Variants in PARL observed in about 807,000 individuals in gnomAD.
The protein encoded by PARL is presenilin associated rhomboid like.
PARL carries 44 observed loss-of-function variants against 51.6 expected under a neutral mutation model. The ratio of observed to expected loss-of-function variants is 0.85; its 90% CI spans 0.67 to 1.10. The LOEUF is 1.10. Ranked by LOEUF, PARL falls within the 50% of genes least tolerant of loss-of-function variation. The pLI is 0.00. For synonymous variants in PARL, 172 were observed against 164.0 expected (o/e 1.05, Z -0.37); for missense variants, 441 against 469.5 (o/e 0.94, Z 0.56).
At chr3:183,864,452 T>C (rs1732202972) in intron 3 of PARL, among the ~76,000 whole-genome samples, 1 of 151,712 alleles carries the variant, frequency 6.6e-6, no homozygotes, top group Non-Finnish European at 1.5e-5. Context: ...AACTAAAATC[T>C]CAGTGTTCAA....
At chr3:183,858,917 A>T (rs1469331994) in intron 4 of PARL, among the ~76,000 whole-genome samples, 1 of 152,144 alleles carries the variant, frequency 6.6e-6, no homozygotes, top group Non-Finnish European at 1.5e-5. Flanking sequence ...CCAAAAAAAA[A>T]ATCCCCAAAC....
chr3:183,867,699 C>CAA (rs111387397), intron 2 of PARL, among the ~76,000 whole-genome samples, 166 bp downstream of exon 2: 31 of 97,142 alleles, frequency 3.2e-4, no homozygotes, highest in Non-Finnish European at 5.2e-4. Flanking sequence ...GACTCCGTCT[C>CAA]AAAAAAAAAA....
At chr3:183,882,218 A>T (rs1294089570) in intron 1 of PARL, among the ~76,000 whole-genome samples, 6 of 90,148 alleles carry the variant, frequency 6.7e-5, no homozygotes, top group African/African-American at 3.0e-4. Context: ...AAAAAAAAAA[A>T]AAAAATATAT....
rs1380290519 is a variant in PARL at position 183,840,648 on chromosome 3, A to C, written c.758-8T>G. ...CAAAATTGGAAATAACACCTGAAAAACAAGTCACATTACAATAATTTAAGT... is the reference window on the plus strand; with the variant it reads ...CAAAATTGGAAATAACACCTGAAAACCAAGTCACATTACAATAATTTAAGT... On this transcript the variant is annotated splice_region_variant and splice_polypyrimidine_tract_variant and intron_variant, in intron 6 of 9. Transcript: ENST00000317096. 2 of 1,450,368 alleles carry C rather than the reference A, an allele frequency of 1.4e-6. No homozygotes were observed. Among genetic ancestry groups the C allele is most frequent in the East Asian group, 4.5e-5 (2 of 44,124 alleles). The allele number at this position is 1,450,368 out of a possible 1,614,324, so 89.8% of individuals were successfully genotyped here. A position where few individuals can be genotyped will look rare whatever the true frequency, so the allele number is the denominator to read the frequency against.
intron 7 of PARL, among the ~76,000 whole-genome samples, chr3:183,834,677 C>G (rs769089962): frequency 1.2e-4 from 18 of 152,036 alleles, no homozygotes; most frequent in Non-Finnish European, 2.1e-4. Context: ...CATGTCAAAG[C>G]TTACCAAACT....
At chr3:183,842,519 T>C (rs1729445831) in intron 5 of PARL, 72 bp from the exon 6 acceptor site, 2 of 1,474,886 alleles carry the variant, frequency 1.4e-6, no homozygotes, top group Non-Finnish European at 1.9e-6. Flanking sequence ...TTTTAAACTT[T>C]TAAAATTAGG....
chr3:183,864,014 G>C (rs1732148160), intron 3 of PARL, among the ~76,000 whole-genome samples: 1 of 152,178 alleles, frequency 6.6e-6, no homozygotes, highest in African/African-American at 2.4e-5. Flanking sequence ...TTCATGTGCA[G>C]ACATGTGCTG....
chr3:183,884,615 G>A, intron 1 of PARL, 107 bp downstream of exon 1: 2 of 1,124,744 alleles, frequency 1.8e-6, no homozygotes, highest in Non-Finnish European at 2.6e-6. Flanking sequence ...GGTGAAGGGG[G>A]TGAGCTGGGG....
intron 1 of PARL, among the ~76,000 whole-genome samples, chr3:183,870,175 G>A (rs1345037290): frequency 6.7e-6 from 1 of 148,980 alleles, no homozygotes; most frequent in Non-Finnish European, 1.5e-5. Flanking sequence ...CTACTCGGGA[G>A]GCTGAGGCAG....
intron 4 of PARL, among the ~76,000 whole-genome samples, chr3:183,852,948 T>C (rs555763977): frequency 6.6e-6 from 1 of 152,196 alleles, no homozygotes; most frequent in Non-Finnish European, 1.5e-5. Flanking sequence ...AGCAGCTAGA[T>C]CTTTATCTTA....
intron 7 of PARL, among the ~76,000 whole-genome samples, chr3:183,839,403 A>C (rs1408427213): frequency 6.6e-6 from 1 of 152,164 alleles, no homozygotes; most frequent in African/African-American, 2.4e-5. Context: ...CACTTAAAAA[A>C]ATTTTTTTTC....
chr3:183,826,502 G>T, downstream of PARL: 1 of 507,052 alleles, frequency 2.0e-6, no homozygotes, highest in Non-Finnish European at 2.5e-6. Flanking sequence ...ATTACCCAGA[G>T]CTCCATTTCA....
intron 1 of PARL, among the ~76,000 whole-genome samples, chr3:183,876,801 G>A (rs908053674): frequency 6.6e-6 from 1 of 152,162 alleles, no homozygotes; most frequent in African/African-American, 2.4e-5. Context: ...ATTCATGAGA[G>A]GAGGTCAAAA....
chr3:183,853,639 T>A (rs930120377), intron 4 of PARL, among the ~76,000 whole-genome samples: 4 of 151,950 alleles, frequency 2.6e-5, no homozygotes, highest in Non-Finnish European at 5.9e-5. Context: ...TTTCCAGAGA[T>A]GATAAAACAA....
At chr3:183,879,081 T>C (rs1734154197) in intron 1 of PARL, among the ~76,000 whole-genome samples, 1 of 152,212 alleles carries the variant, frequency 6.6e-6, no homozygotes, top group Non-Finnish European at 1.5e-5. Context: ...CACAGATTAA[T>C]CCTATCTAGG....
chr3:183,866,976 C>T (rs750687307), intron 2 of PARL, among the ~76,000 whole-genome samples: 2 of 151,606 alleles, frequency 1.3e-5, no homozygotes, highest in Non-Finnish European at 2.9e-5. Context: ...TGTAATGGTG[C>T]GATATGGGCT....
chr3:183,879,084 T>C (rs1459744666), intron 1 of PARL, among the ~76,000 whole-genome samples: 1 of 152,242 alleles, frequency 6.6e-6, no homozygotes, highest in Non-Finnish European at 1.5e-5. Context: ...AGATTAATCC[T>C]ATCTAGGTAA....
In PARL at chr3:183,882,251, A is replaced by ATT. The variant is rs1474333601; in HGVS notation, c.125+2470_125+2471insAA. ...TATATATATATATATATATTTATAT[A>ATT]TATATATATATATATATTTATATAT... On this transcript the variant is annotated intron_variant, in intron 1 of 9. Transcript: ENST00000317096. Among the ~76,000 whole-genome samples the ATT allele has an allele frequency of 5.5e-4, 28 of 50,682 alleles. No individual in the cohort carries two copies. The East Asian group carries it at 9.1e-3, about 17-fold the overall frequency. The allele number at this position is 50,682 out of a possible 152,430, so 33.2% of individuals were successfully genotyped here. A position where few individuals can be genotyped will look rare whatever the true frequency, so the allele number is the denominator to read the frequency against.
downstream of PARL, among the ~76,000 whole-genome samples, chr3:183,828,526 C>A (rs1408144122): frequency 1.3e-5 from 2 of 152,218 alleles, no homozygotes; most frequent in Admixed American, 6.5e-5. Context: ...AACTGTAAAT[C>A]ATAGTAGAAA....
Sources: allele counts gnomAD v4.1 joint callset (sites outside exome capture counted in the v4.1 genomes callset), GRCh38; gene constraint gnomAD v4.1.1; transcripts MANE v1.5; gene names NCBI Gene and HGNC (gene_info 2026-07-23, HGNC 2026-07-21).